Variants in LRRC72 observed in about 807,000 individuals in gnomAD.
LRRC72 encodes the protein leucine-rich repeat-containing protein 72.
LRRC72 carries 41 observed loss-of-function variants against 35.8 expected under a neutral mutation model. The ratio of observed to expected loss-of-function variants is 1.15; its 90% CI spans 0.89 to 1.49. LRRC72 has a LOEUF of 1.49. Ranked by LOEUF, LRRC72 falls within the 40% of genes most tolerant of loss-of-function variation. LRRC72 has a pLI of 0.00. For missense variants in LRRC72, 389 were observed against 330.7 expected (o/e 1.18, Z -1.37); for synonymous variants, 118 against 119.2 (o/e 0.99, Z 0.07).
intron 2 of LRRC72, among the ~76,000 whole-genome samples, chr7:16,536,409 G>T (rs1222281037): frequency 6.6e-6 from 1 of 151,560 alleles, no homozygotes; most frequent in Admixed American, 6.6e-5. Context: ...GGTTGCACAG[G>T]ACAATGCCCT....
intron 7 of LRRC72, among the ~76,000 whole-genome samples, chr7:16,571,161 G>A (rs1156995932): frequency 6.6e-6 from 1 of 152,130 alleles, no homozygotes; most frequent in African/African-American, 2.4e-5. Flanking sequence ...GTGTAAGGCA[G>A]TGGCTTTCAG....
intron 7 of LRRC72, among the ~76,000 whole-genome samples, chr7:16,576,367 A>C (rs1028739689): frequency 1.1e-4 from 16 of 152,316 alleles, no homozygotes; most frequent in African/African-American, 3.4e-4. Context: ...AATATGAATT[A>C]TTTTATTGGA....
At chr7:16,575,537 A>C (rs942137336) in intron 7 of LRRC72, among the ~76,000 whole-genome samples, 5 of 152,168 alleles carry the variant, frequency 3.3e-5, no homozygotes, top group Non-Finnish European at 7.3e-5. Flanking sequence ...TATAAGTTTT[A>C]TTTTGGACAT....
At chr7:16,570,340 T>TGA (rs1325269241) in intron 7 of LRRC72, among the ~76,000 whole-genome samples, 2 of 152,196 alleles carry the variant, frequency 1.3e-5, no homozygotes, top group Non-Finnish European at 2.9e-5. Flanking sequence ...CATGCAAGCA[T>TGA]GAGCTCTCCT....
intron 5 of LRRC72, among the ~76,000 whole-genome samples, chr7:16,561,097 T>TATTC (rs771439891): frequency 1.3e-5 from 2 of 152,168 alleles, no homozygotes; most frequent in Non-Finnish European, 2.9e-5. Flanking sequence ...ATTTATAATC[T>TATTC]ATTCATTCAT....
intron 7 of LRRC72, among the ~76,000 whole-genome samples, chr7:16,569,508 C>G (rs2128338485): frequency 6.6e-6 from 1 of 152,280 alleles, no homozygotes. Flanking sequence ...TTTCCAACTA[C>G]AGTGTAAATT....
chr7:16,563,468 G>C (rs1782776674), intron 5 of LRRC72, among the ~76,000 whole-genome samples: 4 of 152,154 alleles, frequency 2.6e-5, no homozygotes. Flanking sequence ...TCTGTAAGTA[G>C]CCTAGAGGGA....
intron 3 of LRRC72, among the ~76,000 whole-genome samples, chr7:16,540,751 G>A (rs1782342992): frequency 1.3e-5 from 2 of 152,068 alleles, no homozygotes; most frequent in African/African-American, 4.8e-5. Flanking sequence ...CCTCTTTCAT[G>A]CTCTTTCTCA....
intron 1 of LRRC72, chr7:16,530,605 G>A (rs1218789982): frequency 1.3e-5 from 2 of 152,204 alleles, no homozygotes; most frequent in African/African-American, 4.8e-5. Context: ...GTATTCCATT[G>A]TGATGTCACA....
intron 3 of LRRC72, among the ~76,000 whole-genome samples, chr7:16,552,940 C>T (rs1350930964): frequency 6.6e-6 from 1 of 152,170 alleles, no homozygotes; most frequent in Non-Finnish European, 1.5e-5. Flanking sequence ...AATTACTTAA[C>T]CTTTCTGTGC....
intron 7 of LRRC72, among the ~76,000 whole-genome samples, chr7:16,579,858 C>A (rs1783109907): frequency 6.6e-6 from 1 of 151,936 alleles, no homozygotes; most frequent in Admixed American, 6.6e-5. Context: ...AAAAATTTGC[C>A]CCAAAACCTA....
At chr7:16,561,574 T>C (rs545512359) in intron 5 of LRRC72, among the ~76,000 whole-genome samples, 13 of 152,286 alleles carry the variant, frequency 8.5e-5, no homozygotes, top group Non-Finnish European at 1.6e-4. Flanking sequence ...CCAGTCACAA[T>C]AGTTTACGAC....
intron 3 of LRRC72, among the ~76,000 whole-genome samples, chr7:16,538,619 A>T (rs1215849143): frequency 6.6e-6 from 1 of 152,196 alleles, no homozygotes; most frequent in Non-Finnish European, 1.5e-5. Context: ...AGTTGCTACC[A>T]GATATGGTTT....
At chr7:16,556,143 C>T (rs528847889) in intron 3 of LRRC72, among the ~76,000 whole-genome samples, 89 of 151,860 alleles carry the variant, frequency 5.9e-4, no homozygotes, top group African/African-American at 2.0e-3. Flanking sequence ...CATTGAATAC[C>T]CCATATTATG....
chr7:16,567,953 T>G (rs1782879013), intron 7 of LRRC72, among the ~76,000 whole-genome samples: 1 of 152,158 alleles, frequency 6.6e-6, no homozygotes, highest in African/African-American at 2.4e-5. Context: ...CATCTGCAAT[T>G]CTACCATGCA....
intron 7 of LRRC72, among the ~76,000 whole-genome samples, chr7:16,571,616 AG>A (rs1782946164): frequency 6.6e-6 from 1 of 152,154 alleles, no homozygotes; most frequent in Non-Finnish European, 1.5e-5. Flanking sequence ...CCCCTATCCA[AG>A]GGAAGCCATG....
chr7:16,527,623 G>GA (rs529882123), intron 1 of LRRC72, among the ~76,000 whole-genome samples: 303 of 151,256 alleles, frequency 2.0e-3, no homozygotes, highest in Non-Finnish European at 3.5e-3. Context: ...TTTGGGTGGG[G>GA]AAAAAAAAAT....
At chr7:16,538,271 G>C (rs1319733030) in intron 3 of LRRC72, among the ~76,000 whole-genome samples, 1 of 152,170 alleles carries the variant, frequency 6.6e-6, no homozygotes, top group Non-Finnish European at 1.5e-5. Flanking sequence ...GTTTGGTATG[G>C]AATGGGGTGG....
At chr7:16,572,843 G>A (rs1443690508) in intron 7 of LRRC72, among the ~76,000 whole-genome samples, 1 of 152,112 alleles carries the variant, frequency 6.6e-6, no homozygotes, top group Middle Eastern at 3.2e-3. Context: ...TATTCAAATA[G>A]GAAGAGAGGA....
Sources: gnomAD v4.1 joint callset for allele counts (sites outside exome capture counted in the v4.1 genomes callset) on GRCh38, gnomAD v4.1.1 for gene constraint, MANE v1.5 for transcripts, NCBI Gene and HGNC (gene_info 2026-07-23, HGNC 2026-07-21) for gene names.